SCARA3: variants seen among roughly 807,000 people sequenced by gnomAD.
The protein encoded by SCARA3 is scavenger receptor class A member 3, also known as cellular stress response gene protein.
SCARA3 carries 39 observed loss-of-function variants against 47.0 expected under a neutral mutation model. The ratio of observed to expected loss-of-function variants is 0.83; its 90% CI spans 0.64 to 1.08. The LOEUF is 1.08. Among genes scored for constraint, SCARA3 ranks in the 50% least tolerant of loss-of-function variants. The pLI is 0.00. For missense variants in SCARA3, 724 were observed against 792.3 expected, an observed-to-expected ratio of 0.91 and a Z score of 1.04; for synonymous variants, 356 against 334.1, an observed-to-expected ratio of 1.07 and a Z score of -0.71.
At chr8:27,707,921 A>G in the SCARA3 span, among the ~76,000 whole-genome samples, 1 of 152,150 alleles carries the variant, frequency 6.6e-6, no homozygotes, top group Non-Finnish European at 1.5e-5. Flanking sequence ...TTCTGTACCC[A>G]GTTAATCTAT....
downstream of SCARA3, among the ~76,000 whole-genome samples, chr8:27,677,682 C>T (rs982730602): frequency 6.6e-6 from 1 of 152,168 alleles, no homozygotes; most frequent in African/African-American, 2.4e-5. Context: ...AAGACTTGAA[C>T]ATTACTGTGG....
the SCARA3 span, among the ~76,000 whole-genome samples, chr8:27,725,284 C>A: frequency 1.3e-5 from 2 of 152,052 alleles, no homozygotes; most frequent in South Asian, 2.1e-4. Flanking sequence ...GGAAGCCAGG[C>A]ATGTGATTAG....
the SCARA3 span, among the ~76,000 whole-genome samples, chr8:27,715,380 T>C: frequency 6.6e-6 from 1 of 152,186 alleles, no homozygotes; most frequent in African/African-American, 2.4e-5. The surrounding 1 kb of genome is among the most constrained non-coding windows in gnomAD (Gnocchi z 4.2). Context: ...CTTCCCATCC[T>C]ATGAGGCTCC....
the SCARA3 span, among the ~76,000 whole-genome samples, chr8:27,721,078 A>C: frequency 6.6e-6 from 1 of 151,754 alleles, no homozygotes; most frequent in Non-Finnish European, 1.5e-5. Flanking sequence ...TCATCTATCC[A>C]TCCTTCCATC....
rs1268633701 is a variant in SCARA3 at position 27,672,047 on chromosome 8, G to T, written c.*696G>T. 3 of 985,226 alleles carry T rather than the reference G, an allele frequency of 3.0e-6. No individual in the cohort carries two copies. The highest frequency in any genetic ancestry group is 3.6e-6 in the Non-Finnish European group (3 of 829,958). The allele number at this position is 985,226 out of a possible 1,614,324, so 61.0% of individuals were successfully genotyped here. On this transcript the variant is annotated 3_prime_UTR_variant, in exon 6 of 6. Coordinates refer to ENST00000301904, the MANE Select transcript of SCARA3 (RefSeq NM_016240.3). ...CCCCAAGGAAACCTTTGCGGGTGGG[G>T]CGTTACTGCCAAAACTCCAGAGGCA...
At chr8:27,650,996 A>G (rs955627746) in intron 2 of SCARA3, among the ~76,000 whole-genome samples, 1 of 152,316 alleles carries the variant, frequency 6.6e-6, no homozygotes, top group Admixed American at 6.5e-5. Context: ...AAGTGCTGGG[A>G]TTACAGGCAT....
chr8:27,649,094 G>A (rs572480099), intron 1 of SCARA3, among the ~76,000 whole-genome samples: 9 of 152,294 alleles, frequency 5.9e-5, no homozygotes, highest in Admixed American at 1.3e-4. Flanking sequence ...TTTAGTTAGG[G>A]ACCATATTGT....
the SCARA3 span, among the ~76,000 whole-genome samples, chr8:27,714,624 A>G: frequency 6.6e-6 from 1 of 152,122 alleles, no homozygotes; most frequent in Non-Finnish European, 1.5e-5. Context: ...ATACACACAT[A>G]CACCCATCTA....
the SCARA3 span, among the ~76,000 whole-genome samples, chr8:27,720,884 CCACT>C: frequency 1.3e-5 from 2 of 152,018 alleles, no homozygotes; most frequent in African/African-American, 2.4e-5. Flanking sequence ...ATCCATTCAC[CCACT>C]CAGTCATCCA....
chr8:27,659,416 C>T lies in SCARA3; in HGVS notation c.1246C>T (p.Arg416Cys), dbSNP rs775538210. The T allele has an allele frequency of 1.5e-5, 24 of 1,613,662 alleles. No homozygotes were observed. Among genetic ancestry groups the T allele is most frequent in the African/African-American group, 5.3e-5 (4 of 74,904 alleles). ...GGGCACCACAGACCTGCTCCGGGAG[C>T]GCTTCAGCCTGCTCAGTGCCCGGCT... ...MLGTTDLLRE[R>C]FSLLSARLDL... Residue 416 changes from arginine (R) to cysteine (C), a missense_variant, in exon 5 of 6, where the codon CGC becomes TGC. Transcript: ENST00000301904.
chr8:27,671,554 A>G lies in SCARA3; in HGVS notation c.*203A>G. 7.8e-7 allele frequency: 1 copy of G among 1,278,782 alleles called. No individual in the cohort carries two copies. The highest frequency in any genetic ancestry group is 9.8e-7 in the Non-Finnish European group (1 of 1,017,232). 79.2% of individuals were successfully genotyped at this position (1,278,782 alleles called of 1,614,324 possible). Reference sequence around the variant, plus strand: ...CCCCTCCTCACACATACATGTGCACATGCACACACATGCATGCACACACAT... The same window carrying G: ...CCCCTCCTCACACATACATGTGCACGTGCACACACATGCATGCACACACAT... On this transcript the variant is annotated 3_prime_UTR_variant, in exon 6 of 6. Coordinates refer to ENST00000301904, the MANE Select transcript of SCARA3 (RefSeq NM_016240.3).
chr8:27,728,675 C>A, the SCARA3 span, among the ~76,000 whole-genome samples: 15 of 152,162 alleles, frequency 9.9e-5, no homozygotes, highest in Non-Finnish European at 1.5e-4. Context: ...GATTGAAGTT[C>A]TGATTTAAAT....
chr8:27,649,902 A>G (rs370565224), intron 2 of SCARA3, 102 bp downstream of exon 2: 10 of 1,008,546 alleles, frequency 9.9e-6, no homozygotes, highest in Admixed American at 2.6e-5. Context: ...TGGTTTCAAA[A>G]GCCTGGGTGT....
the SCARA3 span, among the ~76,000 whole-genome samples, chr8:27,725,380 ATTATATTTATAT>A: frequency 2.0e-5 from 3 of 149,038 alleles, no homozygotes; most frequent in East Asian, 1.9e-4. Context: ...TAATATTTAT[ATTATATTTATAT>A]TTATATTTAT....
intron 1 of SCARA3, among the ~76,000 whole-genome samples, chr8:27,642,905 G>A (rs887610577): frequency 7.2e-5 from 11 of 152,188 alleles, no homozygotes; most frequent in African/African-American, 2.7e-4. Flanking sequence ...GGGTTCAGGG[G>A]AGTCGGGGGG....
the SCARA3 span, among the ~76,000 whole-genome samples, chr8:27,731,361 G>C: frequency 6.6e-6 from 1 of 151,834 alleles, no homozygotes; most frequent in Non-Finnish European, 1.5e-5. Flanking sequence ...CGGCCTCCCA[G>C]TGTTGGGATT....
chr8:27,656,779 C>T lies in SCARA3; in HGVS notation c.227-3C>T. ...CCCAGCTTCTCATCTGTTTTCCCTA[C>T]AGTTTTCAGAAAAGTGGACTCTCTC... On this transcript the variant is annotated splice_region_variant and splice_polypyrimidine_tract_variant and intron_variant, in intron 3 of 5. Transcript: ENST00000301904. 1 of 1,585,712 alleles carries T rather than the reference C, an allele frequency of 6.3e-7. No homozygotes were observed. The highest frequency in any genetic ancestry group is 8.7e-7 in the Non-Finnish European group (1 of 1,154,118).
chr8:27,711,271 T>G, the SCARA3 span, among the ~76,000 whole-genome samples: 1 of 152,226 alleles, frequency 6.6e-6, no homozygotes. Context: ...CATTGTCTAG[T>G]GCTCCATTAG....
chr8:27,725,817 C>T, the SCARA3 span, among the ~76,000 whole-genome samples: 1 of 152,152 alleles, frequency 6.6e-6, no homozygotes. Flanking sequence ...TCCGCAGATG[C>T]CTGCTTTTCC....
Sources: allele counts gnomAD v4.1 joint callset (sites outside exome capture counted in the v4.1 genomes callset), GRCh38; gene constraint gnomAD v4.1.1; non-coding constraint Gnocchi (gnomAD v3.1); transcripts MANE v1.5; gene names NCBI Gene and HGNC (gene_info 2026-07-23, HGNC 2026-07-21).